Variants in SMG6 observed in about 807,000 individuals in gnomAD.
SMG6 encodes the protein SMG6 nonsense mediated mRNA decay factor.
In SMG6, 66 loss-of-function variants were observed where a neutral mutation model predicts 142.2. The ratio of observed to expected loss-of-function variants is 0.46; its 90% CI spans 0.38 to 0.57. The LOEUF is 0.57. Among genes scored for constraint, SMG6 ranks in the 20% least tolerant of loss-of-function variants. The pLI is 0.00. For missense variants in SMG6, 1,793 were observed against 1,832.0 expected (o/e 0.98, Z 0.39); for synonymous variants, 779 against 702.4 (o/e 1.11, Z -1.72).
chr17:2,241,401 A>G (rs945204539), intron 9 of SMG6, among the ~76,000 whole-genome samples: 1 of 152,198 alleles, frequency 6.6e-6, no homozygotes, highest in Non-Finnish European at 1.5e-5. Flanking sequence ...GTCATCCCAT[A>G]AAAATCAAGA....
At chr17:2,227,030 A>G (rs1306325673) in intron 10 of SMG6, among the ~76,000 whole-genome samples, 1 of 152,248 alleles carries the variant, frequency 6.6e-6, no homozygotes, top group African/African-American at 2.4e-5. Flanking sequence ...AAAATGAAAT[A>G]GCACCACACA....
chr17:2,169,263 G>A (rs1032924458), intron 13 of SMG6, among the ~76,000 whole-genome samples: 5 of 151,000 alleles, frequency 3.3e-5, no homozygotes, highest in Admixed American at 2.0e-4. Flanking sequence ...AGTGAGTTAT[G>A]ATAGTGCCAC....
chr17:2,184,534 G>A (rs148883742), intron 12 of SMG6, among the ~76,000 whole-genome samples: 4,243 of 151,604 alleles, frequency 0.028, 175 homozygotes, highest in African/African-American at 0.096. Context: ...GCACATGCCT[G>A]TAGTCCCAGC....
intron 13 of SMG6, among the ~76,000 whole-genome samples, chr17:2,138,351 T>C (rs1396423481): frequency 6.6e-6 from 1 of 152,140 alleles, no homozygotes; most frequent in Non-Finnish European, 1.5e-5. Flanking sequence ...ATCCCTGACA[T>C]CTAAATAGTC....
chr17:2,120,554 T>C (rs557497075), intron 13 of SMG6, among the ~76,000 whole-genome samples: 1 of 152,186 alleles, frequency 6.6e-6, no homozygotes, highest in Non-Finnish European at 1.5e-5. Flanking sequence ...ACCTTGTCTC[T>C]ACAAAAAATT....
At chr17:2,109,060 G>A (rs577253176) in intron 13 of SMG6, among the ~76,000 whole-genome samples, 3 of 152,082 alleles carry the variant, frequency 2.0e-5, no homozygotes, top group Non-Finnish European at 2.9e-5. Flanking sequence ...TAATTATCTG[G>A]CGTTTTCTCA....
intron 10 of SMG6, among the ~76,000 whole-genome samples, chr17:2,223,409 T>C (rs1194794174): frequency 6.6e-6 from 1 of 152,110 alleles, no homozygotes; most frequent in East Asian, 1.9e-4. Flanking sequence ...GCCAGAACAC[T>C]CCAATTACAG....
At chr17:2,269,883 G>GC (rs1371799824) in intron 8 of SMG6, among the ~76,000 whole-genome samples, 1 of 152,134 alleles carries the variant, frequency 6.6e-6, no homozygotes, top group Non-Finnish European at 1.5e-5. Flanking sequence ...AGGACTTCAG[G>GC]CCAGGCATGG....
At chr17:2,291,411 A>G (rs2075034455) in intron 6 of SMG6, among the ~76,000 whole-genome samples, 1 of 152,142 alleles carries the variant, frequency 6.6e-6, no homozygotes, top group Non-Finnish European at 1.5e-5. Flanking sequence ...AGTTCATTCA[A>G]CGATTACAAA....
At chr17:2,081,777 T>C (rs763320325) in intron 15 of SMG6, 33 bp downstream of exon 15, 113 of 1,609,708 alleles carry the variant, frequency 7.0e-5, no homozygotes, top group Middle Eastern at 3.3e-4. Flanking sequence ...GCAACCCCCA[T>C]AGTGGGAACC....
In SMG6 at chr17:2,081,944, C is replaced by T; in HGVS notation, c.3547G>A (p.Val1183Met). 6.2e-7 allele frequency: 1 copy of T among 1,614,164 alleles called. No homozygotes were observed. Among genetic ancestry groups the T allele is most frequent in the Non-Finnish European group, 8.5e-7 (1 of 1,180,042 alleles). The change falls in exon 15 of 19, where the codon GTG (valine) becomes ATG (methionine). Residue 1183 changes from valine (V) to methionine (M), a missense_variant. Physicochemically the swap from Val to Met is conservative, Grantham distance 21 (BLOSUM62 1). Coordinates refer to ENST00000263073, the MANE Select transcript of SMG6 (RefSeq NM_017575.5). ...GAATCTTCCTCAAAGTCTTCAATCACCACATCCTCCTCCTTTGGGTGGTGG... is the reference window on the plus strand; with the variant it reads ...GAATCTTCCTCAAAGTCTTCAATCATCACATCCTCCTCCTTTGGGTGGTGG... ...TRLEDEEEDV[V>M]IEDFEEDSEA...
rs140709026 is a variant in SMG6 at position 2,292,983 on chromosome 17, G to A, written c.2152-6C>T. On this transcript the variant is annotated splice_polypyrimidine_tract_variant and splice_region_variant and intron_variant, in intron 4 of 18. Coordinates refer to ENST00000263073, the MANE Select transcript of SMG6 (RefSeq NM_017575.5). ...CTGATCAAGGCATATTTTACCTTCA[G>A]GAAAAACAACCAGTTAGTAGAAAAG... The A allele has an allele frequency of 6.9e-6, 11 of 1,605,174 alleles. No homozygotes were observed. The African/African-American group carries it at 9.4e-5, about 14-fold the overall frequency.
At chr17:2,129,272 A>G (rs1197951570) in intron 13 of SMG6, among the ~76,000 whole-genome samples, 1 of 152,222 alleles carries the variant, frequency 6.6e-6, no homozygotes, top group Non-Finnish European at 1.5e-5. Flanking sequence ...GCAGTGAGCC[A>G]TAATCGCACC....
At chr17:2,223,208 T>C (rs747786075) in intron 10 of SMG6, among the ~76,000 whole-genome samples, 11 of 152,228 alleles carry the variant, frequency 7.2e-5, no homozygotes, top group Admixed American at 1.3e-4. Context: ...CCACTGATCC[T>C]TGCCTCAGAA....
At chr17:2,114,850 A>G (rs2069447419) in intron 13 of SMG6, among the ~76,000 whole-genome samples, 1 of 150,572 alleles carries the variant, frequency 6.6e-6, no homozygotes, top group African/African-American at 2.5e-5. Context: ...AATCTCTTCA[A>G]TCCAGGAGGC....
chr17:2,141,957 A>C (rs1434191652), intron 13 of SMG6, among the ~76,000 whole-genome samples: 4 of 152,202 alleles, frequency 2.6e-5, no homozygotes, highest in Admixed American at 2.6e-4. Flanking sequence ...TTTCTTTGGA[A>C]TCTAGGATAC....
At chr17:2,112,490 T>A (rs1466233773) in intron 13 of SMG6, among the ~76,000 whole-genome samples, 4 of 150,020 alleles carry the variant, frequency 2.7e-5, no homozygotes, top group South Asian at 2.1e-4. Context: ...CCTGGGTGAC[T>A]GAGCAAGACT....
chr17:2,258,034 A>ATAC (rs1357549109), intron 8 of SMG6, among the ~76,000 whole-genome samples: 7 of 108,240 alleles, frequency 6.5e-5, no homozygotes, highest in African/African-American at 1.4e-4. Flanking sequence ...AAAAAAAAAA[A>ATAC]ATATACACAC....
chr17:2,120,593 C>T (rs536071955), intron 13 of SMG6, among the ~76,000 whole-genome samples: 1 of 152,234 alleles, frequency 6.6e-6, no homozygotes, highest in South Asian at 2.1e-4. Context: ...TGTGGTGGCA[C>T]ACACCTGTAG....
Sources: gnomAD v4.1 joint callset for allele counts (sites outside exome capture counted in the v4.1 genomes callset) on GRCh38, gnomAD v4.1.1 for gene constraint, MANE v1.5 for transcripts, NCBI Gene and HGNC (gene_info 2026-07-23, HGNC 2026-07-21) for gene names.